Variants in SNX8 observed in about 807,000 individuals in gnomAD.
The protein encoded by SNX8 is sorting nexin-8.
In SNX8, 25 loss-of-function variants were observed where a neutral mutation model predicts 51.6. The ratio of observed to expected loss-of-function variants is 0.48; its 90% CI spans 0.35 to 0.68. The LOEUF is 0.68. SNX8 is among the 30% of genes least tolerant of loss of function. The pLI, the probability that SNX8 is intolerant of heterozygous loss-of-function variation, is 0.00. For synonymous variants in SNX8, 324 were observed against 277.0 expected (o/e 1.17, Z -1.68); for missense variants, 695 against 624.0 (o/e 1.11, Z -1.21).
Position 2,262,735 on chromosome 7 carries a change from G to A in SNX8, c.915+495C>T, listed in dbSNP as rs191002141. 1.1e-4 allele frequency among the ~76,000 whole-genome samples: 17 copies of A among 152,302 alleles called. No individual in the cohort carries two copies. The East Asian group carries it at 3.1e-3, about 28-fold the overall frequency. On this transcript the variant is annotated intron_variant, in intron 7 of 10. Coordinates refer to ENST00000222990, the MANE Select transcript of SNX8 (RefSeq NM_013321.4). ...GTTTTGTCGCTGGCAACCCCCTCTC[G>A]AAAGCGTAAACGCTCCCAGGGAGCC... is the stretch of plus-strand genomic sequence containing the variant.
At chr7:2,261,651 A>T (rs552285839) in intron 7 of SNX8, among the ~76,000 whole-genome samples, 1 of 152,290 alleles carries the variant, frequency 6.6e-6, no homozygotes, top group South Asian at 2.1e-4. Context: ...GGGAGTGGGC[A>T]CACAGACCTG....
chr7:2,277,636 T>A (rs1795811222), intron 2 of SNX8, among the ~76,000 whole-genome samples: 1 of 149,908 alleles, frequency 6.7e-6, no homozygotes, highest in African/African-American at 2.5e-5. Context: ...CTGTCTCTAC[T>A]AAAAAAAAAA....
At chr7:2,276,919 T>A (rs778973696) in intron 2 of SNX8, among the ~76,000 whole-genome samples, 3 of 152,216 alleles carry the variant, frequency 2.0e-5, no homozygotes, top group Non-Finnish European at 4.4e-5. Context: ...CACTCCAGCC[T>A]GGTTGACAGA....
At chr7:2,255,931 G>A (rs1795166622) in intron 10 of SNX8, among the ~76,000 whole-genome samples, 1 of 152,212 alleles carries the variant, frequency 6.6e-6, no homozygotes, top group South Asian at 2.1e-4. Flanking sequence ...GCACCCTGGG[G>A]GCCTGCAGGG....
chr7:2,319,810 G>GT (rs1689102866), intron 1 of SNX8, among the ~76,000 whole-genome samples: 1 of 99,494 alleles, frequency 1.0e-5, no homozygotes, highest in African/African-American at 4.0e-5. Flanking sequence ...GCGAGACTCC[G>GT]TCTCAAAAAA....
intron 1 of SNX8, among the ~76,000 whole-genome samples, chr7:2,312,953 A>G (rs1334696476): frequency 1.3e-5 from 2 of 152,012 alleles, no homozygotes; most frequent in African/African-American, 2.4e-5. Flanking sequence ...GCTGGAGTGC[A>G]GTGGCGCTAT....
chr7:2,259,668 CAGG>C lies in SNX8; in HGVS notation c.916-1868_916-1866del, dbSNP rs958780401. ...TGGGATTCCAGCCAGTAAAATGTGC[CAGG>C]AGAAGAGGTGTGTTAAGAGTTTCTA... On this transcript the variant is annotated intron_variant, in intron 7 of 10. Transcript: ENST00000222990. Among the ~76,000 whole-genome samples, 5 of 152,316 alleles carry C rather than the reference CAGG, an allele frequency of 3.3e-5. No individual in the cohort carries two copies. In the East Asian group the frequency reaches 5.8e-4, roughly 18 times the overall value.
intron 5 of SNX8, among the ~76,000 whole-genome samples, chr7:2,266,163 G>A (rs182948046): frequency 6.6e-6 from 1 of 152,042 alleles, no homozygotes; most frequent in African/African-American, 2.4e-5. Flanking sequence ...GAAGAAGCAG[G>A]TTTTTTTCTG....
chr7:2,317,620 T>C (rs1254354292), upstream of SNX8, among the ~76,000 whole-genome samples: 1 of 151,556 alleles, frequency 6.6e-6, no homozygotes, highest in African/African-American at 2.4e-5. Flanking sequence ...GTCCGGGGAG[T>C]TGATTACAGA....
intron 1 of SNX8, among the ~76,000 whole-genome samples, chr7:2,304,696 T>C (rs746209790): frequency 6.6e-5 from 10 of 152,236 alleles, no homozygotes; most frequent in Admixed American, 1.3e-4. Context: ...TGTCCCTCCT[T>C]TCCTATCTAG....
chr7:2,335,632 C>T (rs1429661586), intron 1 of SNX8, among the ~76,000 whole-genome samples: 1 of 151,786 alleles, frequency 6.6e-6, no homozygotes, highest in South Asian at 2.1e-4. Flanking sequence ...GAAACCCCGT[C>T]TCTACTAAAA....
chr7:2,341,023 A>C (rs1311805413), intron 1 of SNX8, among the ~76,000 whole-genome samples: 1 of 151,790 alleles, frequency 6.6e-6, no homozygotes, highest in Non-Finnish European at 1.5e-5. Flanking sequence ...GTCTCTGAAG[A>C]AAATTAGCCA....
intron 1 of SNX8, among the ~76,000 whole-genome samples, chr7:2,303,488 C>T (rs993121369): frequency 2.0e-5 from 3 of 152,160 alleles, no homozygotes; most frequent in Non-Finnish European, 2.9e-5. Context: ...GCCAGGATGA[C>T]AATGGCGGTT....
chr7:2,266,608 G>C (rs140307690), intron 5 of SNX8, among the ~76,000 whole-genome samples: 1,947 of 152,280 alleles, frequency 0.013, 48 homozygotes, highest in African/African-American at 0.044. Context: ...GCCTCCCAAA[G>C]TGCTAGGATT....
intron 1 of SNX8, among the ~76,000 whole-genome samples, chr7:2,298,679 G>T (rs778800967): frequency 4.7e-5 from 7 of 147,660 alleles, no homozygotes; most frequent in South Asian, 2.1e-4. Flanking sequence ...CTGGGTTTTG[G>T]TTTTGTTTTT....
At chr7:2,348,804 T>TA (rs967779855) in intron 1 of SNX8, among the ~76,000 whole-genome samples, 2 of 151,182 alleles carry the variant, frequency 1.3e-5, no homozygotes, top group African/African-American at 4.9e-5. Context: ...AAAAAAAAAT[T>TA]AGACGGGCAT....
chr7:2,275,991 C>T (rs1348054182), intron 2 of SNX8, among the ~76,000 whole-genome samples: 2 of 150,590 alleles, frequency 1.3e-5, no homozygotes, highest in Non-Finnish European at 3.0e-5. Context: ...GAGCGAGACT[C>T]CATTTCAAAA....
At chr7:2,334,199 C>G (rs992077450) in intron 1 of SNX8, among the ~76,000 whole-genome samples, 1 of 152,008 alleles carries the variant, frequency 6.6e-6, no homozygotes, top group African/African-American at 2.4e-5. Context: ...GTCAGCAGAT[C>G]GAGACCATCT....
intron 1 of SNX8, among the ~76,000 whole-genome samples, chr7:2,306,098 T>A (rs1040663038): frequency 5.3e-5 from 8 of 152,314 alleles, no homozygotes; most frequent in African/African-American, 1.9e-4. Flanking sequence ...AGCATTGGGA[T>A]TACAGGCATG....
Sources: allele counts gnomAD v4.1 joint callset (sites outside exome capture counted in the v4.1 genomes callset), GRCh38; gene constraint gnomAD v4.1.1; transcripts MANE v1.5; gene names NCBI Gene and HGNC (gene_info 2026-07-23, HGNC 2026-07-21).